The following CEBPZ variants were observed in gnomAD, a reference collection of about 807,000 sequenced individuals.
CEBPZ encodes CCAAT enhancer binding protein zeta.
A neutral mutation model predicts 104.5 loss-of-function variants in CEBPZ; 78 were observed. The observed-to-expected ratio is 0.75, with a 90% CI of 0.62 to 0.90. The LOEUF is 0.90. Ranked by LOEUF, CEBPZ falls within the 40% of genes least tolerant of loss-of-function variation. The pLI is 0.00. For synonymous variants in CEBPZ, 470 were observed against 427.0 expected (o/e 1.10, Z -1.24); for missense variants, 1,439 against 1,233.5 (o/e 1.17, Z -2.50).
intron 13 of CEBPZ, among the ~76,000 whole-genome samples, chr2:37,206,974 T>C (rs1037448331): frequency 9.2e-5 from 14 of 152,016 alleles, no homozygotes; most frequent in Admixed American, 2.6e-4. Flanking sequence ...TCCATGCAAA[T>C]GGAAACCAAA....
At chr2:37,219,091 A>G (rs915723255) in intron 5 of CEBPZ, among the ~76,000 whole-genome samples, 2 of 152,176 alleles carry the variant, frequency 1.3e-5, no homozygotes, top group Non-Finnish European at 2.9e-5. Context: ...TTATTTTTGA[A>G]TTTTATTGCT....
intron 4 of CEBPZ, among the ~76,000 whole-genome samples, 177 bp from the exon 5 acceptor site, chr2:37,220,650 A>G (rs1382829625): frequency 3.3e-5 from 5 of 152,192 alleles, no homozygotes; most frequent in African/African-American, 1.2e-4. Context: ...TTAAGCTAGC[A>G]TCTGCTCTTG....
chr2:37,205,956 G>T (rs1165790912), intron 13 of CEBPZ, among the ~76,000 whole-genome samples: 1 of 152,170 alleles, frequency 6.6e-6, no homozygotes, highest in Admixed American at 6.5e-5. Context: ...GTTGAGAAAA[G>T]AAAAAGATAA....
At chr2:37,221,536 T>C (rs1021431970) in intron 4 of CEBPZ, among the ~76,000 whole-genome samples, 2 of 152,214 alleles carry the variant, frequency 1.3e-5, no homozygotes, top group Admixed American at 1.3e-4. Flanking sequence ...GGTCTGACAT[T>C]ATCTTCATGT....
At position 37,228,537 on chromosome 2, in the gene CEBPZ, A is replaced by C; in HGVS notation, c.656T>G (p.Leu219Ter). 6.2e-7 allele frequency: 1 copy of C among 1,614,220 alleles called. No individual in the cohort carries two copies. Among genetic ancestry groups the C allele is most frequent in the Non-Finnish European group, 8.5e-7 (1 of 1,180,040 alleles). Residue 219 changes from leucine to a stop codon, truncating the protein, a stop_gained, in exon 2 of 16, where the codon TTA becomes TGA. Coordinates refer to ENST00000234170, the MANE Select transcript of CEBPZ (RefSeq NM_005760.3). LOFTEE classifies it high-confidence loss of function. ...AQKLYQHEIN[L>*]FKSKTNSQKG... is the part of the protein sequence containing the mutation. ...TTGACTATTCGTCTTACTTTTGAATAAGTTGATTTCATGCTGATACAGCTT... is the reference window on the plus strand; with the variant it reads ...TTGACTATTCGTCTTACTTTTGAATCAGTTGATTTCATGCTGATACAGCTT...
chr2:37,211,057 A>G lies in CEBPZ; in HGVS notation c.2826T>C (p.Ser942=). The G allele has an allele frequency of 6.2e-7, 1 of 1,611,668 alleles. No homozygotes were observed. The highest frequency in any genetic ancestry group is 8.5e-7 in the Non-Finnish European group (1 of 1,179,336). The part of the protein sequence containing the change: ...VPELEVHSKV[S]TKKSKRKGTD... ...TACCTTTTCTCTTGCTTTTCTTAGT[A>G]CTGACTTTGGAGTGGACTTCAAGTT... Residue 942 remains serine (S), a synonymous_variant, in exon 13 of 16, where the codon AGT becomes AGC. Transcript: ENST00000234170.
rs59603879 is a variant in CEBPZ at position 37,222,233 on chromosome 2, G to A, written c.2065+147C>T. The A allele has an allele frequency of 3.6e-4, 207 of 581,828 alleles. 1 individual carries two copies. The highest frequency in any genetic ancestry group is 5.3e-4 in the Non-Finnish European group (198 of 374,732). 36.0% of individuals were successfully genotyped at this position (581,828 alleles called of 1,614,324 possible). A position where few individuals can be genotyped will look rare whatever the true frequency, so the allele number is the denominator to read the frequency against. On this transcript the variant is annotated intron_variant, in intron 4 of 15. Transcript: ENST00000234170. The stretch of plus-strand genomic sequence containing the variant: ...TGGGAGGCGGAGGTTGCAGTGAGCC[G>A]AGATCACGCCTCTGCATTCCAGCCT...
chr2:37,231,374 C>T (rs1665093605), intron 1 of CEBPZ, 38 bp downstream of exon 1: 4 of 1,612,644 alleles, frequency 2.5e-6, no homozygotes, highest in Non-Finnish European at 3.4e-6. Flanking sequence ...CGGAACTCTC[C>T]ACGCCTGATC....
intron 11 of CEBPZ, 107 bp downstream of exon 11, chr2:37,212,228 T>C: frequency 9.1e-7 from 1 of 1,094,676 alleles, no homozygotes; most frequent in Non-Finnish European, 1.4e-6. Context: ...CCAAACTTAC[T>C]TGACTACATT....
At position 37,227,609 on chromosome 2, in the gene CEBPZ, C is replaced by T; in HGVS notation, c.1584G>A (p.Met528Ile). 1.2e-6 allele frequency: 2 copies of T among 1,613,932 alleles called. No homozygotes were observed. Among genetic ancestry groups the T allele is most frequent in the Non-Finnish European group, 1.7e-6 (2 of 1,179,966 alleles). ...VNFNTSVQAL[M>I]LLFQVMNSQQ... ...GAGAATTCATTACTTGGAAAAGCAA[C>T]ATTAAAGCCTGGACACTGGTATTAA... Residue 528 changes from methionine (M) to isoleucine (I), a missense_variant, in exon 2 of 16, where the codon ATG becomes ATA. Transcript: ENST00000234170.
At chr2:37,222,026 G>A (rs1664781415) in intron 4 of CEBPZ, among the ~76,000 whole-genome samples, 1 of 152,180 alleles carries the variant, frequency 6.6e-6, no homozygotes, top group African/African-American at 2.4e-5. Context: ...GCTCACGCCT[G>A]TAATCCCAGC....
At chr2:37,225,168 G>C (rs924366739) in intron 2 of CEBPZ, among the ~76,000 whole-genome samples, 1 of 152,216 alleles carries the variant, frequency 6.6e-6, no homozygotes, top group Non-Finnish European at 1.5e-5. Flanking sequence ...ACTTCAAAGA[G>C]TTGTGGAAAG....
Position 37,231,524 on chromosome 2 carries a change from G to A in CEBPZ, c.44C>T (p.Pro15Leu). Reference protein sequence around the residue: ...KEPLEFHAKRPWRPEEAVEDP... With the variant: ...KEPLEFHAKRLWRPEEAVEDP... Reference sequence around the variant, plus strand: ...TTCTACTGCCTCCTCGGGGCGCCAAGGCCGCTTGGCATGGAACTCCAAAGG... The same window carrying A: ...TTCTACTGCCTCCTCGGGGCGCCAAAGCCGCTTGGCATGGAACTCCAAAGG... The change falls in exon 1 of 16, where the codon CCT becomes CTT. Residue 15 changes from proline to leucine, a missense_variant. Transcript: ENST00000234170. 3 of 1,614,232 alleles carry A rather than the reference G, an allele frequency of 1.9e-6. No homozygotes were observed. The highest frequency in any genetic ancestry group is 2.5e-6 in the Non-Finnish European group (3 of 1,180,044).
In CEBPZ at chr2:37,228,100, C is replaced by T. The variant is rs1234505881; in HGVS notation, c.1093G>A (p.Ala365Thr). 1 of 1,614,194 alleles carries T rather than the reference C, an allele frequency of 6.2e-7. No individual in the cohort carries two copies. Among genetic ancestry groups the T allele is most frequent in the Non-Finnish European group, 8.5e-7 (1 of 1,180,038 alleles). ...AGCAGCTCATGAGCCACGGTAAGGG[C>T]TCGAGTTTTAGTGGTTACTAATGTA... ...HDTLVTTKTR[A>T]LTVAHELLCN... is the part of the protein sequence containing the mutation. The change falls in exon 2 of 16, where the codon GCC becomes ACC. Residue 365 changes from alanine to threonine, a missense_variant. Physicochemically the swap from Ala to Thr is moderately conservative, Grantham distance 58 (BLOSUM62 0). Coordinates refer to ENST00000234170, the MANE Select transcript of CEBPZ (RefSeq NM_005760.3).
intron 1 of CEBPZ, among the ~76,000 whole-genome samples, chr2:37,230,469 A>AT (rs1293342495): frequency 1.3e-5 from 2 of 152,196 alleles, no homozygotes. Flanking sequence ...TCATGTGTAT[A>AT]TATTACCTAT....
At position 37,216,169 on chromosome 2, in the gene CEBPZ, T is replaced by C. The variant is rs200454547; in HGVS notation, c.2351A>G (p.His784Arg). 1.9e-6 allele frequency: 3 copies of C among 1,613,150 alleles called. No individual in the cohort carries two copies. Among genetic ancestry groups the C allele is most frequent in the Non-Finnish European group, 1.7e-6 (2 of 1,179,588 alleles). Reference sequence around the variant, plus strand: ...AAGATGACGAATATCCTTAATAAAATGTTTTCTTTTCGGCTGCATCACAAC... The same window carrying C: ...AAGATGACGAATATCCTTAATAAAACGTTTTCTTTTCGGCTGCATCACAAC... ...DSVVMQPKRK[H>R]FIKDIRHLPV... is the part of the protein sequence containing the mutation. Residue 784 changes from histidine to arginine, a missense_variant, in exon 8 of 16, where the codon CAT becomes CGT. Coordinates refer to ENST00000234170, the MANE Select transcript of CEBPZ (RefSeq NM_005760.3).
intron 13 of CEBPZ, among the ~76,000 whole-genome samples, chr2:37,207,203 T>C (rs1248170572): frequency 1.3e-5 from 2 of 152,252 alleles, no homozygotes; most frequent in Non-Finnish European, 2.9e-5. Context: ...ACAATAATAG[T>C]GGGTGACTTC....
At chr2:37,216,069 G>T in intron 8 of CEBPZ, 71 bp downstream of exon 8, 2 of 1,138,586 alleles carry the variant, frequency 1.8e-6, no homozygotes, top group Non-Finnish European at 2.6e-6. Context: ...TTAGAACAAA[G>T]AATAATACAA....
chr2:37,220,525 A>G (rs1330835468), intron 4 of CEBPZ, 52 bp from the exon 5 acceptor site: 1 of 950,222 alleles, frequency 1.1e-6, no homozygotes, highest in Middle Eastern at 2.3e-4. Context: ...TCCTAGCCCA[A>G]GAGGTCATTA....
Sources: allele counts gnomAD v4.1 joint callset (sites outside exome capture counted in the v4.1 genomes callset), GRCh38; gene constraint gnomAD v4.1.1; transcripts MANE v1.5; gene names NCBI Gene and HGNC (gene_info 2026-07-23, HGNC 2026-07-21).